Variants in NBEAL1 observed in about 807,000 individuals in gnomAD.
NBEAL1 encodes neurobeachin-like protein 1.
Under a neutral mutation model 351.3 loss-of-function variants are expected in NBEAL1, and 273 were observed. The ratio of observed to expected loss-of-function variants is 0.78; its 90% CI spans 0.70 to 0.86. The LOEUF (loss-of-function observed/expected upper bound fraction) is 0.86. Among genes scored for constraint, NBEAL1 ranks in the 40% least tolerant of loss-of-function variants. The probability of loss-of-function intolerance (pLI) is 0.00; values close to 1 mark genes in which losing one functional copy is unlikely to be tolerated. For missense variants in NBEAL1, 2,961 were observed against 3,201.3 expected, an observed-to-expected ratio of 0.92 and a Z score of 1.81; for synonymous variants, 1,050 against 1,086.4, an observed-to-expected ratio of 0.97 and a Z score of 0.66.
intron 12 of NBEAL1, among the ~76,000 whole-genome samples, chr2:203,101,835 A>T (rs1431421846): frequency 3.3e-5 from 5 of 152,178 alleles, no homozygotes; most frequent in African/African-American, 1.2e-4. Flanking sequence ...ACCTCAAATG[A>T]TCTGCCCACC....
At position 203,180,513 on chromosome 2, in the gene NBEAL1, G is replaced by T. The variant is rs371479430; in HGVS notation, c.6595+1G>T. On this transcript the variant is annotated splice_donor_variant, in intron 43 of 55. Coordinates refer to ENST00000683969, the MANE Select transcript of NBEAL1 (RefSeq NM_001378026.1). LOFTEE classifies it high-confidence loss of function. ...CCAGAGTTTTTGGAAAATCAAAATC[G>T]TAAGAAATAGAGGATTAAAAATTTG... The T allele has an allele frequency of 1.9e-6, 3 of 1,604,056 alleles. No homozygotes were observed. The highest frequency in any genetic ancestry group is 2.2e-5 in the East Asian group (1 of 44,602).
In NBEAL1 at chr2:203,138,158, T is replaced by C; in HGVS notation, c.4566-4T>C. 1.9e-6 allele frequency: 3 copies of C among 1,612,936 alleles called. No homozygotes were observed. The highest frequency in any genetic ancestry group is 2.5e-6 in the Non-Finnish European group (3 of 1,179,742). On this transcript the variant is annotated splice_polypyrimidine_tract_variant and splice_region_variant and intron_variant, in intron 29 of 55. Transcript: ENST00000683969. Reference sequence around the variant, plus strand: ...GTTTTAAGAGGACTTTGTTTTCCATTTAGTTTGCTACAAAAGATGTTAGAA... The same window carrying C: ...GTTTTAAGAGGACTTTGTTTTCCATCTAGTTTGCTACAAAAGATGTTAGAA...
chr2:203,110,716 T>TAA (rs1387132496), intron 15 of NBEAL1, among the ~76,000 whole-genome samples: 109 of 73,746 alleles, frequency 1.5e-3, no homozygotes, highest in East Asian at 5.9e-3. Context: ...TAAATAAATA[T>TAA]ATAGAACGTT....
At position 203,180,330 on chromosome 2, in the gene NBEAL1, CTTG is replaced by C. The variant is rs992445726; in HGVS notation, c.6465-45_6465-43del. On this transcript the variant is annotated intron_variant, in intron 42 of 55. Transcript: ENST00000683969. ...GGAGTTTAAAAGTTTTGTTTCATGT[CTTG>C]TTGTTGATTTCATTCAATATTTACT... 3.1e-5 allele frequency: 48 copies of C among 1,554,238 alleles called. No individual in the cohort carries two copies. The Admixed American group carries it at 7.2e-4, about 23-fold the overall frequency.
intron 2 of NBEAL1, among the ~76,000 whole-genome samples, chr2:203,039,204 C>T (rs1436406863): frequency 2.8e-5 from 3 of 106,836 alleles, no homozygotes; most frequent in Non-Finnish European, 6.4e-5. Flanking sequence ...CCTTTCCTTT[C>T]CTTTCCTTTC....
In NBEAL1 at chr2:203,219,470, G is replaced by A. The variant is rs1292250449; in HGVS notation, c.*2116G>A. 3 of 151,970 alleles carry A rather than the reference G, an allele frequency of 2.0e-5. No homozygotes were observed. The highest frequency in any genetic ancestry group is 4.4e-5 in the Non-Finnish European group (3 of 67,996). 9.4% of individuals were successfully genotyped at this position (151,970 alleles called of 1,614,324 possible). ...TTACTTTATAGTACAAATAAGTTTT[G>A]TTCACAATAAAATAGATATCCTACC... is the stretch of plus-strand genomic sequence containing the variant. On this transcript the variant is annotated 3_prime_UTR_variant, in exon 56 of 56. Coordinates refer to ENST00000683969, the MANE Select transcript of NBEAL1 (RefSeq NM_001378026.1).
intron 19 of NBEAL1, among the ~76,000 whole-genome samples, chr2:203,123,814 G>T (rs1300099503): frequency 1.3e-5 from 2 of 151,904 alleles, no homozygotes; most frequent in African/African-American, 4.8e-5. Flanking sequence ...TTTTTTTGTG[G>T]CCTGAGTTAC....
At chr2:203,096,378 C>T (rs1226056663) in intron 10 of NBEAL1, among the ~76,000 whole-genome samples, 3 of 152,156 alleles carry the variant, frequency 2.0e-5, no homozygotes, top group South Asian at 2.1e-4. Context: ...CAGCATGTAA[C>T]TCGACCTTTT....
intron 2 of NBEAL1, chr2:203,040,545 G>A: frequency 1.5e-6 from 1 of 668,102 alleles, no homozygotes. Context: ...CAAATCTGAA[G>A]TCTGTGCGGG....
intron 2 of NBEAL1, among the ~76,000 whole-genome samples, chr2:203,030,429 T>C (rs2060931875): frequency 6.6e-6 from 1 of 152,182 alleles, no homozygotes. Flanking sequence ...ACTGAACTTC[T>C]AGATTCCCCC....
chr2:203,147,693 T>TTA (rs2106344780), intron 33 of NBEAL1, among the ~76,000 whole-genome samples: 1 of 152,192 alleles, frequency 6.6e-6, no homozygotes, highest in South Asian at 2.1e-4. Context: ...TTCCATTGTT[T>TTA]TATATATTAG....
rs2065775400 is a variant in NBEAL1 at position 203,211,057 on chromosome 2, A to G, written c.7885A>G (p.Ile2629Val). ...AGATATATGTATAATCGGAGAACAC[A>G]TTGTCACAGGCAGCATACAAGGATT... Reference protein sequence around the residue: ...VSDICIIGEHIVTGSIQGFLS... With the variant: ...VSDICIIGEHVVTGSIQGFLS... The change falls in exon 54 of 56, where the codon ATT (isoleucine) becomes GTT (valine). Residue 2629 changes from isoleucine to valine, a missense_variant. Ile to Val is a conservative substitution (Grantham distance 29, BLOSUM62 3). Transcript: ENST00000683969. 2 of 1,607,852 alleles carry G rather than the reference A, an allele frequency of 1.2e-6. No homozygotes were observed. Among genetic ancestry groups the G allele is most frequent in the South Asian group, 2.2e-5 (2 of 89,652 alleles).
At position 203,128,489 on chromosome 2, in the gene NBEAL1, T is replaced by C. The variant is rs375471752; in HGVS notation, c.3405+552T>C. ...TAATATTCCAATTAGCTAGAAAATT[T>C]AATATATGGAAATGTTTCCTTTGGC... On this transcript the variant is annotated intron_variant, in intron 24 of 55. Coordinates refer to ENST00000683969, the MANE Select transcript of NBEAL1 (RefSeq NM_001378026.1). Among the ~76,000 whole-genome samples the C allele has an allele frequency of 7.2e-5, 11 of 152,186 alleles. No individual in the cohort carries two copies. In the East Asian group the frequency reaches 1.9e-3, roughly 27 times the overall value.
At position 203,220,090 on chromosome 2, in the gene NBEAL1, GTTATATA is replaced by G. The variant is rs1183588473; in HGVS notation, c.*2744_*2750del. On this transcript the variant is annotated 3_prime_UTR_variant, in exon 56 of 56. Transcript: ENST00000683969. Reference sequence around the variant, plus strand: ...ATTTAGATGTTACCCATAGAAATTAGTTATATATTATATAATGGGAGAAATGAACAGT... The same window carrying G: ...ATTTAGATGTTACCCATAGAAATTAGTTATATAATGGGAGAAATGAACAGT... Among the ~76,000 whole-genome samples the G allele has an allele frequency of 1.3e-5, 2 of 152,134 alleles. No individual in the cohort carries two copies. The highest frequency in any genetic ancestry group is 2.9e-5 in the Non-Finnish European group (2 of 68,020).
intron 2 of NBEAL1, among the ~76,000 whole-genome samples, chr2:203,033,544 C>A (rs189433225): frequency 6.6e-6 from 1 of 152,304 alleles, no homozygotes; most frequent in Non-Finnish European, 1.5e-5. Context: ...TTCTGCAAAT[C>A]TTTCTAGTAG....
chr2:203,209,036 C>T, intron 52 of NBEAL1, 125 bp from the exon 53 acceptor site: 1 of 765,716 alleles, frequency 1.3e-6, no homozygotes. Flanking sequence ...TGCATGTATC[C>T]TTGATGGAAT....
chr2:203,066,560 C>T (rs1045252677), intron 6 of NBEAL1, among the ~76,000 whole-genome samples: 7 of 152,216 alleles, frequency 4.6e-5, no homozygotes, highest in African/African-American at 1.7e-4. Context: ...CCGCCATCGT[C>T]ATCATGGCCC....
chr2:203,057,814 TTTC>T (rs1476031946), intron 6 of NBEAL1, among the ~76,000 whole-genome samples: 1 of 151,632 alleles, frequency 6.6e-6, no homozygotes, highest in African/African-American at 2.4e-5. Flanking sequence ...GTCCATTTTT[TTTC>T]TTTTTTCTTT....
chr2:203,096,471 C>A (rs961318594), intron 10 of NBEAL1, among the ~76,000 whole-genome samples: 1 of 152,136 alleles, frequency 6.6e-6, no homozygotes, highest in Non-Finnish European at 1.5e-5. Flanking sequence ...ATAAATCTGT[C>A]TCTCCCTTTG....
Sources: allele counts gnomAD v4.1 joint callset (sites outside exome capture counted in the v4.1 genomes callset), GRCh38; gene constraint gnomAD v4.1.1; transcripts MANE v1.5; gene names NCBI Gene and HGNC (gene_info 2026-07-23, HGNC 2026-07-21).